DAAM2: variants seen among roughly 807,000 people sequenced by gnomAD.
DAAM2 encodes the protein disheveled-associated activator of morphogenesis 2.
A neutral mutation model predicts 120.7 loss-of-function variants in DAAM2; 39 were observed. That is an observed-to-expected ratio of 0.32 (90% confidence interval 0.25 to 0.42). The LOEUF (loss-of-function observed/expected upper bound fraction) is 0.42, where lower values mean the gene tolerates loss of function less well. Among genes scored for constraint, DAAM2 ranks in the 10% least tolerant of loss-of-function variants. DAAM2 has a pLI of 1.00. For missense variants in DAAM2, 1,283 were observed against 1,401.7 expected, an observed-to-expected ratio of 0.92 and a Z score of 1.35; for synonymous variants, 488 against 524.9, an observed-to-expected ratio of 0.93 and a Z score of 0.96.
chr6:39,845,376 A>C (rs116275281), intron 1 of DAAM2, among the ~76,000 whole-genome samples: 13 of 66 alleles, frequency 0.2, 3 homozygotes, highest in East Asian at 0.5. Flanking sequence ...ACAAACATAC[A>C]CATATACACA....
intron 14 of DAAM2, among the ~76,000 whole-genome samples, chr6:39,881,609 C>T (rs1203837709): frequency 2.0e-5 from 3 of 152,100 alleles, no homozygotes; most frequent in Non-Finnish European, 4.4e-5. Context: ...CCCAGCTACT[C>T]TGGAGGCTGA....
intron 2 of DAAM2, 44 bp downstream of exon 2, chr6:39,856,514 G>A: frequency 1.5e-6 from 2 of 1,371,220 alleles, no homozygotes; most frequent in Non-Finnish European, 9.6e-7. Flanking sequence ...GGGGAGGAGG[G>A]TGGATGGAGA....
chr6:39,887,608 G>A lies in DAAM2; in HGVS notation c.2060+16G>A. Reference sequence around the variant, plus strand: ...TTCTTTCCAAGTATGTGCAAAAGAAGGTGGTTGAGTTGGATGCCTGGGGGA... The same window carrying A: ...TTCTTTCCAAGTATGTGCAAAAGAAAGTGGTTGAGTTGGATGCCTGGGGGA... On this transcript the variant is annotated intron_variant, in intron 16 of 24. Coordinates refer to ENST00000274867, the MANE Select transcript of DAAM2 (RefSeq NM_001201427.2). 1.9e-6 allele frequency: 3 copies of A among 1,589,592 alleles called. No homozygotes were observed. The highest frequency in any genetic ancestry group is 2.2e-5 in the East Asian group (1 of 44,680).
Position 39,856,369 on chromosome 6 carries a change from C to A in DAAM2, c.67C>A (p.Pro23Thr). 1 of 1,554,334 alleles carries A rather than the reference C, an allele frequency of 6.4e-7. No individual in the cohort carries two copies. The highest frequency in any genetic ancestry group is 8.7e-7 in the Non-Finnish European group (1 of 1,149,830). Residue 23 changes from proline (P) to threonine (T), a missense_variant, in exon 2 of 25, where the codon CCC becomes ACC. Coordinates refer to ENST00000274867, the MANE Select transcript of DAAM2 (RefSeq NM_001201427.2). The stretch of plus-strand genomic sequence containing the variant: ...GTGCTGCTTCGGGGGCAGTGACATC[C>A]CCGAAATCAACCTCCGGGACAACCA... ...FLCCFGGSDI[P>T]EINLRDNHPL...
intron 1 of DAAM2, among the ~76,000 whole-genome samples, chr6:39,827,588 G>A (rs1422028741): frequency 6.6e-6 from 1 of 152,120 alleles, no homozygotes; most frequent in Non-Finnish European, 1.5e-5. Flanking sequence ...CCCCGGGCCT[G>A]GTAGGATGCA....
intron 1 of DAAM2, among the ~76,000 whole-genome samples, chr6:39,853,512 C>A (rs1035442204): frequency 6.6e-6 from 1 of 152,166 alleles, no homozygotes; most frequent in Non-Finnish European, 1.5e-5. Flanking sequence ...AGGGGAGATG[C>A]TCTAATATTT....
At chr6:39,823,560 G>C (rs892252291) in intron 1 of DAAM2, among the ~76,000 whole-genome samples, 1 of 152,190 alleles carries the variant, frequency 6.6e-6, no homozygotes, top group African/African-American at 2.4e-5. Context: ...TGCCGGGAAG[G>C]GGGAAGTGTG....
At chr6:39,797,644 C>T (rs1404479699) in intron 1 of DAAM2, among the ~76,000 whole-genome samples, 1 of 152,176 alleles carries the variant, frequency 6.6e-6, no homozygotes, top group Non-Finnish European at 1.5e-5. Flanking sequence ...CTGTAAGCTT[C>T]CCAGGTGATC....
At chr6:39,867,113 C>G (rs1012797797) in intron 5 of DAAM2, among the ~76,000 whole-genome samples, 1 of 152,340 alleles carries the variant, frequency 6.6e-6, no homozygotes, top group South Asian at 2.1e-4. Flanking sequence ...CTAGGCTTAA[C>G]GCCATGACTT....
chr6:39,800,493 A>G (rs12197745), intron 1 of DAAM2, among the ~76,000 whole-genome samples: 3,287 of 152,306 alleles, frequency 0.022, 63 homozygotes, highest in African/African-American at 0.051. Flanking sequence ...TATAATGGCC[A>G]AGCATGTGGG....
intron 1 of DAAM2, among the ~76,000 whole-genome samples, chr6:39,800,963 A>G (rs542686938): frequency 6.6e-6 from 1 of 152,172 alleles, no homozygotes; most frequent in African/African-American, 2.4e-5. Context: ...AAGAAACCCT[A>G]CCTACTTTGC....
At chr6:39,888,594 T>C in intron 16 of DAAM2, 85 bp from the exon 17 acceptor site, 5 of 1,133,950 alleles carry the variant, frequency 4.4e-6, no homozygotes, top group Non-Finnish European at 6.5e-6. Context: ...CAAGTCCTGT[T>C]AGGGAATGAG....
intron 19 of DAAM2, among the ~76,000 whole-genome samples, chr6:39,893,368 A>C (rs957383029): frequency 6.6e-6 from 1 of 152,158 alleles, no homozygotes; most frequent in Non-Finnish European, 1.5e-5. Flanking sequence ...ATACAAAAAA[A>C]TTAGCCGGGC....
intron 19 of DAAM2, among the ~76,000 whole-genome samples, chr6:39,892,695 G>C (rs1201039692): frequency 6.6e-6 from 1 of 152,136 alleles, no homozygotes; most frequent in African/African-American, 2.4e-5. Context: ...GGGCAGAACA[G>C]AGCATGGGCA....
chr6:39,833,550 C>T (rs1762995636), intron 1 of DAAM2, among the ~76,000 whole-genome samples: 1 of 152,156 alleles, frequency 6.6e-6, no homozygotes, highest in Non-Finnish European at 1.5e-5. Context: ...TCAAGTGATC[C>T]ACCTGCTTCA....
At chr6:39,814,462 T>C (rs919842429) in intron 1 of DAAM2, among the ~76,000 whole-genome samples, 12 of 152,198 alleles carry the variant, frequency 7.9e-5, no homozygotes, top group African/African-American at 2.9e-4. Flanking sequence ...GGCGTTGGCG[T>C]TGGGTGAGCA....
rs577647088 is a variant in DAAM2 at position 39,846,720 on chromosome 6, G to A, written c.-56-9527G>A. On this transcript the variant is annotated intron_variant, in intron 1 of 24. Transcript: ENST00000274867. The stretch of plus-strand genomic sequence containing the variant: ...CACGCTTTTTTTTTTTTTTTGAGAC[G>A]GGGTCTCGCTCTGTTGCCCCACATC... Among the ~76,000 whole-genome samples, 11 of 148,966 alleles carry A rather than the reference G, an allele frequency of 7.4e-5. No individual in the cohort carries two copies. In the South Asian group the frequency reaches 2.1e-3, roughly 29 times the overall value.
chr6:39,901,435 A>G lies in DAAM2; in HGVS notation c.2945A>G (p.Lys982Arg), dbSNP rs576963852. 1.3e-5 allele frequency: 21 copies of G among 1,609,846 alleles called. No individual in the cohort carries two copies. Among genetic ancestry groups the G allele is most frequent in the African/African-American group, 1.2e-4 (9 of 74,974 alleles). Residue 982 changes from lysine to arginine, a missense_variant, in exon 24 of 25, where the codon AAG (lysine) becomes AGG (arginine). By Grantham distance (26) the Lys-to-Arg change is conservative. Coordinates refer to ENST00000274867, the MANE Select transcript of DAAM2 (RefSeq NM_001201427.2). This position sits in a 1 kb window ranked among gnomAD's most constrained non-coding sequence, Gnocchi z 4.5. ...RQDLEAMRRR[K>R]EEEERRARME... The stretch of plus-strand genomic sequence containing the variant: ...GATCTAGAGGCCATGAGGAGGAGGA[A>G]GGAGGAGGAGGAGCGGCGGGCGCGC...
intron 1 of DAAM2, among the ~76,000 whole-genome samples, chr6:39,799,951 A>C (rs142054134): frequency 6.6e-6 from 1 of 152,090 alleles, no homozygotes; most frequent in African/African-American, 2.4e-5. Context: ...ACTGAAAGGG[A>C]ATCTTATAGT....
Sources: allele counts gnomAD v4.1 joint callset (sites outside exome capture counted in the v4.1 genomes callset), GRCh38; gene constraint gnomAD v4.1.1; non-coding constraint Gnocchi (gnomAD v3.1); transcripts MANE v1.5; gene names NCBI Gene and HGNC (gene_info 2026-07-23, HGNC 2026-07-21).